Variants in GPC5 observed in about 807,000 individuals in gnomAD.
GPC5 encodes glypican-5.
A neutral mutation model predicts 53.9 loss-of-function variants in GPC5; 47 were observed. That is an observed-to-expected ratio of 0.87 (90% CI 0.69 to 1.11). The LOEUF (loss-of-function observed/expected upper bound fraction) is 1.11. Ranked by LOEUF, GPC5 falls within the 50% of genes most tolerant of loss-of-function variation. The pLI, the probability that GPC5 is intolerant of heterozygous loss-of-function variation, is 0.00. For synonymous variants in GPC5, 286 were observed against 263.3 expected, an observed-to-expected ratio of 1.09 and a Z score of -0.84; for missense variants, 748 against 713.1, an observed-to-expected ratio of 1.05 and a Z score of -0.56.
At chr13:91,692,257 A>C (rs1489444033) in intron 2 of GPC5, among the ~76,000 whole-genome samples, 1 of 152,196 alleles carries the variant, frequency 6.6e-6, no homozygotes, top group Non-Finnish European at 1.5e-5. Context: ...ATTTATTTTC[A>C]TCAAATAGTA....
chr13:91,780,090 C>T (rs557321407), intron 5 of GPC5, among the ~76,000 whole-genome samples: 3 of 152,244 alleles, frequency 2.0e-5, no homozygotes, highest in East Asian at 1.9e-4. Context: ...ATGTGAGTAA[C>T]ATTGCACTAT....
At chr13:91,886,403 C>T (rs1958232454) in intron 5 of GPC5, among the ~76,000 whole-genome samples, 1 of 152,132 alleles carries the variant, frequency 6.6e-6, no homozygotes, top group Non-Finnish European at 1.5e-5. Flanking sequence ...GGAACATAGC[C>T]AAACCATATC....
chr13:91,795,931 C>T (rs926421025), intron 5 of GPC5, among the ~76,000 whole-genome samples: 3 of 152,148 alleles, frequency 2.0e-5, no homozygotes, highest in African/African-American at 7.2e-5. Context: ...TTCTTTACTT[C>T]CATAGTAATA....
chr13:91,870,793 T>G (rs2039135683), intron 5 of GPC5, among the ~76,000 whole-genome samples: 1 of 152,234 alleles, frequency 6.6e-6, no homozygotes, highest in Admixed American at 6.5e-5. Context: ...GCTTAAACAT[T>G]GACATGTTAG....
chr13:92,213,988 C>T (rs1231059877), intron 7 of GPC5, among the ~76,000 whole-genome samples: 1 of 152,094 alleles, frequency 6.6e-6, no homozygotes, highest in African/African-American at 2.4e-5. Context: ...TGATTGTAAT[C>T]TGCTGTTTAT....
chr13:92,765,931 T>C (rs1023020538), intron 7 of GPC5, among the ~76,000 whole-genome samples: 8 of 152,044 alleles, frequency 5.3e-5, no homozygotes, highest in African/African-American at 1.7e-4. Flanking sequence ...GTTCTGGCAA[T>C]ATAGGTCTAC....
intron 6 of GPC5, among the ~76,000 whole-genome samples, chr13:92,042,998 C>T (rs2040953440): frequency 6.6e-6 from 1 of 152,090 alleles, no homozygotes; most frequent in Admixed American, 6.6e-5. Context: ...ATGGGCTGTA[C>T]ATAGATTTGG....
chr13:91,665,102 G>A (rs1333213566), intron 2 of GPC5, among the ~76,000 whole-genome samples: 1 of 152,068 alleles, frequency 6.6e-6, no homozygotes, highest in African/African-American at 2.4e-5. Flanking sequence ...TGCTCTCTTT[G>A]GTATAATAAA....
At position 92,306,463 on chromosome 13, in the gene GPC5, C is replaced by T. The variant is rs573459816; in HGVS notation, c.1561+161474C>T. ...AGAGCTTGAGGGATCTTTTGTGACA[C>T]GGAATTGTCTCAAGAGAAGGCTTCC... On this transcript the variant is annotated intron_variant, in intron 7 of 7. Transcript: ENST00000377067. 1.2e-4 allele frequency among the ~76,000 whole-genome samples: 19 copies of T among 152,254 alleles called. No homozygotes were observed. The East Asian group carries it at 2.1e-3, about 17-fold the overall frequency.
intron 5 of GPC5, among the ~76,000 whole-genome samples, chr13:91,831,069 CTAT>C (rs1387327551): frequency 1.5e-5 from 2 of 135,162 alleles, no homozygotes; most frequent in East Asian, 2.0e-4. Context: ...TATATATATC[CTAT>C]TATTATATAT....
At chr13:92,694,373 T>C (rs1345618818) in intron 7 of GPC5, among the ~76,000 whole-genome samples, 1 of 152,174 alleles carries the variant, frequency 6.6e-6, no homozygotes, top group Non-Finnish European at 1.5e-5. Flanking sequence ...AGGTGCTCAT[T>C]GCCAGCCTGT....
At chr13:92,420,017 A>G (rs893923963) in intron 7 of GPC5, among the ~76,000 whole-genome samples, 3 of 152,148 alleles carry the variant, frequency 2.0e-5, no homozygotes, top group African/African-American at 7.2e-5. Context: ...CTTTTCAATC[A>G]GGGCAGGATC....
chr13:91,970,818 AC>A (rs2040234716), intron 6 of GPC5, among the ~76,000 whole-genome samples: 2 of 152,162 alleles, frequency 1.3e-5, no homozygotes, highest in African/African-American at 2.4e-5. Flanking sequence ...GATGAAGCCC[AC>A]TTGATCATGG....
intron 6 of GPC5, among the ~76,000 whole-genome samples, chr13:92,068,739 T>C (rs558377914): frequency 1.3e-5 from 2 of 151,776 alleles, no homozygotes; most frequent in Non-Finnish European, 3.0e-5. Context: ...CAATAATTGA[T>C]TTTGTGATAT....
chr13:92,602,231 A>ATAATATATAT (rs1555294283), intron 7 of GPC5, among the ~76,000 whole-genome samples: 1 of 4,966 alleles, frequency 2.0e-4, no homozygotes, highest in African/African-American at 2.6e-4. Flanking sequence ...ATATATATAT[A>ATAATATATAT]ACATATATAT....
chr13:92,282,875 C>G (rs1594065315), intron 7 of GPC5, among the ~76,000 whole-genome samples: 1 of 152,140 alleles, frequency 6.6e-6, no homozygotes, highest in South Asian at 2.1e-4. Flanking sequence ...ATGACAGGAT[C>G]AAATTCACAC....
chr13:92,531,946 G>C (rs191543089), intron 7 of GPC5, among the ~76,000 whole-genome samples: 47 of 152,264 alleles, frequency 3.1e-4, no homozygotes, highest in African/African-American at 1.1e-3. Context: ...GGATAGTACA[G>C]TGTCATTAAG....
At chr13:91,611,037 G>T (rs989109547) in intron 2 of GPC5, among the ~76,000 whole-genome samples, 11 of 152,102 alleles carry the variant, frequency 7.2e-5, no homozygotes, top group African/African-American at 2.7e-4. Flanking sequence ...AAATTGCCAG[G>T]GAGTCTGGAT....
intron 7 of GPC5, among the ~76,000 whole-genome samples, chr13:92,518,317 C>T (rs964211280): frequency 6.6e-6 from 1 of 152,092 alleles, no homozygotes; most frequent in Non-Finnish European, 1.5e-5. Flanking sequence ...CTCCAAGACA[C>T]ATCATTGTCA....
Sources: gnomAD v4.1 joint callset for allele counts (sites outside exome capture counted in the v4.1 genomes callset) on GRCh38, gnomAD v4.1.1 for gene constraint, MANE v1.5 for transcripts, NCBI Gene and HGNC (gene_info 2026-07-23, HGNC 2026-07-21) for gene names.